The following ARCN1 variants were observed in gnomAD, a reference collection of about 807,000 sequenced individuals.
ARCN1 encodes archain 1 coat protein complex I subunit delta.
A neutral mutation model predicts 60.4 loss-of-function variants in ARCN1; 5 were observed. The ratio of observed to expected loss-of-function variants is 0.08; its 90% CI spans 0.04 to 0.17. The LOEUF (loss-of-function observed/expected upper bound fraction) is 0.17, where lower values mean the gene tolerates loss of function less well. Ranked by LOEUF, ARCN1 falls within the 10% of genes least tolerant of loss-of-function variation. ARCN1 has a pLI of 1.00. For missense variants in ARCN1, 464 were observed against 626.5 expected, an observed-to-expected ratio of 0.74 and a Z score of 2.77; for synonymous variants, 224 against 220.0, an observed-to-expected ratio of 1.02 and a Z score of -0.16.
At chr11:118,584,181 A>ATG (rs1555075122) in intron 4 of ARCN1, among the ~76,000 whole-genome samples, 167 bp downstream of exon 4, 1 of 152,128 alleles carries the variant, frequency 6.6e-6, no homozygotes, top group East Asian at 1.9e-4. Context: ...AGAAATCTGA[A>ATG]TGTGGTGTTT....
chr11:118,588,707 C>T (rs1938829085), intron 5 of ARCN1, among the ~76,000 whole-genome samples: 1 of 147,366 alleles, frequency 6.8e-6, no homozygotes, highest in Admixed American at 6.7e-5. Flanking sequence ...GGCAACATAG[C>T]AAGATCTGTC....
At position 118,599,140 on chromosome 11, in the gene ARCN1, T is replaced by A. The variant is rs187463425; in HGVS notation, c.1446+1229T>A. On this transcript the variant is annotated intron_variant, in intron 9 of 9. Coordinates refer to ENST00000264028, the MANE Select transcript of ARCN1 (RefSeq NM_001655.5). ...GGAGTTTCACTCTTGTTGCCCAGGC[T>A]GGAGTGCAATGGCGTGATGTTGGTT... is the stretch of plus-strand genomic sequence containing the variant. Among the ~76,000 whole-genome samples, 4 of 151,814 alleles carry A rather than the reference T, an allele frequency of 2.6e-5. No individual in the cohort carries two copies. In the East Asian group the frequency reaches 7.8e-4, roughly 30 times the overall value.
chr11:118,572,635 G>A, intron 1 of ARCN1, 85 bp downstream of exon 1: 1 of 1,542,530 alleles, frequency 6.5e-7, no homozygotes, highest in South Asian at 1.2e-5. Context: ...GGGGCCGGAG[G>A]AGCCCCGCCC....
At chr11:118,585,647 C>T (rs1290587932) in intron 5 of ARCN1, among the ~76,000 whole-genome samples, 8 of 152,040 alleles carry the variant, frequency 5.3e-5, no homozygotes, top group Admixed American at 3.9e-4. Flanking sequence ...TCAAGTGATT[C>T]TCCCACCTCA....
At chr11:118,575,348 T>A (rs1938468081) in intron 1 of ARCN1, among the ~76,000 whole-genome samples, 1 of 152,096 alleles carries the variant, frequency 6.6e-6, no homozygotes, top group South Asian at 2.1e-4. Context: ...TTCTCTTGAG[T>A]TTCCATTGAT....
chr11:118,581,071 G>C (rs1282208639), intron 1 of ARCN1, among the ~76,000 whole-genome samples, 175 bp from the exon 2 acceptor site: 3 of 152,134 alleles, frequency 2.0e-5, no homozygotes, highest in Non-Finnish European at 4.4e-5. Flanking sequence ...AGTGAGCTGT[G>C]GTCTTGCCAT....
intron 1 of ARCN1, among the ~76,000 whole-genome samples, chr11:118,580,159 C>T (rs983145608): frequency 1.3e-5 from 2 of 152,114 alleles, no homozygotes; most frequent in East Asian, 3.8e-4. Flanking sequence ...CCCACTTCTA[C>T]CGAAAATACA....
Position 118,593,837 on chromosome 11 carries a change from T to TA in ARCN1, c.1241+140dup, listed in dbSNP as rs1356534373. ...AAAGCTAGTTGTGAAAGAAGCCAGA[T>TA]ACAAAAGGCTGCATGTTATGTGATT... On this transcript the variant is annotated intron_variant, in intron 8 of 9. Transcript: ENST00000264028. 2 of 544,552 alleles carry TA rather than the reference T, an allele frequency of 3.7e-6. 1 individual carries two copies. Among genetic ancestry groups the TA allele is most frequent in the East Asian group, 6.1e-5 (2 of 33,052 alleles). The allele number at this position is 544,552 out of a possible 1,614,324, so 33.7% of individuals were successfully genotyped here.
chr11:118,573,278 A>G (rs781876911), intron 1 of ARCN1, among the ~76,000 whole-genome samples: 2 of 152,188 alleles, frequency 1.3e-5, no homozygotes, highest in Non-Finnish European at 2.9e-5. Flanking sequence ...TGTCCAGGTG[A>G]AGAAAAATGT....
At chr11:118,597,378 G>A (rs1939049490) in intron 8 of ARCN1, among the ~76,000 whole-genome samples, 1 of 152,192 alleles carries the variant, frequency 6.6e-6, no homozygotes, top group South Asian at 2.1e-4. Context: ...ACCTATTGGT[G>A]CAGGGTTTTT....
At chr11:118,588,378 T>A (rs1373312555) in intron 5 of ARCN1, among the ~76,000 whole-genome samples, 2 of 152,214 alleles carry the variant, frequency 1.3e-5, no homozygotes, top group Admixed American at 1.3e-4. Flanking sequence ...GGGCTGCTCC[T>A]GAGGCCTAAA....
At chr11:118,581,206 A>G in intron 1 of ARCN1, 40 bp from the exon 2 acceptor site, 2 of 1,603,528 alleles carry the variant, frequency 1.2e-6, no homozygotes, top group Non-Finnish European at 8.5e-7. Flanking sequence ...ACAGATGTGA[A>G]GAAATAATTA....
In ARCN1 at chr11:118,601,448, A is replaced by G. The variant is rs1173325175; in HGVS notation, c.*734A>G. ...GTTTTTAAAAAGTTTTCTCTGTAGA[A>G]AATTTTAATCATTCATACCCTTTAC... is the stretch of plus-strand genomic sequence containing the variant. On this transcript the variant is annotated 3_prime_UTR_variant, in exon 10 of 10. Coordinates refer to ENST00000264028, the MANE Select transcript of ARCN1 (RefSeq NM_001655.5). 1.6e-6 allele frequency: 1 copy of G among 611,022 alleles called. No individual in the cohort carries two copies. The highest frequency in any genetic ancestry group is 2.9e-6 in the Non-Finnish European group (1 of 346,306). The allele number at this position is 611,022 out of a possible 1,614,324, so 37.9% of individuals were successfully genotyped here.
At chr11:118,584,093 G>C in intron 4 of ARCN1, 79 bp downstream of exon 4, 5 of 1,387,760 alleles carry the variant, frequency 3.6e-6, no homozygotes, top group Non-Finnish European at 4.9e-6. Context: ...TGATTTCTTG[G>C]AAAGCTGTAA....
chr11:118,601,620 G>A lies in ARCN1; in HGVS notation c.*906G>A. 1 of 702,954 alleles carries A rather than the reference G, an allele frequency of 1.4e-6. No individual in the cohort carries two copies. The highest frequency in any genetic ancestry group is 2.6e-6 in the Non-Finnish European group (1 of 384,988). The allele number at this position is 702,954 out of a possible 1,614,324, so 43.5% of individuals were successfully genotyped here. A position where few individuals can be genotyped will look rare whatever the true frequency, so the allele number is the denominator to read the frequency against. ...AGGTGAACTATTTGAGGGGTATGGGGTCTAGAAGTTAAAAGATACGCATGT... is the reference window on the plus strand; with the variant it reads ...AGGTGAACTATTTGAGGGGTATGGGATCTAGAAGTTAAAAGATACGCATGT... On this transcript the variant is annotated 3_prime_UTR_variant, in exon 10 of 10. Transcript: ENST00000264028.
intron 5 of ARCN1, among the ~76,000 whole-genome samples, chr11:118,585,852 T>G (rs899949950): frequency 6.6e-6 from 1 of 152,214 alleles, no homozygotes; most frequent in African/African-American, 2.4e-5. Context: ...TTTTGCAGTT[T>G]AAATATTTGA....
chr11:118,576,213 G>C (rs554680142), intron 1 of ARCN1, among the ~76,000 whole-genome samples: 4 of 151,818 alleles, frequency 2.6e-5, no homozygotes, highest in African/African-American at 9.7e-5. Flanking sequence ...GTGTAGGAGA[G>C]AGTTGTTATT....
intron 1 of ARCN1, among the ~76,000 whole-genome samples, chr11:118,575,686 G>A (rs1207634135): frequency 2.6e-5 from 4 of 152,092 alleles, no homozygotes; most frequent in East Asian, 1.9e-4. Context: ...AAAATATTGC[G>A]GTGAATTACA....
chr11:118,572,598 T>G, intron 1 of ARCN1, 48 bp downstream of exon 1: 2 of 1,592,012 alleles, frequency 1.3e-6, no homozygotes, highest in Non-Finnish European at 1.7e-6. Flanking sequence ...AGCCTCACCG[T>G]CTCTCCTTGT....
Sources: allele counts gnomAD v4.1 joint callset (sites outside exome capture counted in the v4.1 genomes callset), GRCh38; gene constraint gnomAD v4.1.1; transcripts MANE v1.5; gene names NCBI Gene and HGNC (gene_info 2026-07-23, HGNC 2026-07-21).